Variants in LRP1B observed in about 807,000 individuals in gnomAD.
LRP1B encodes LDL receptor related protein 1B, also known as low-density lipoprotein receptor-related protein 1B.
A neutral mutation model predicts 556.6 loss-of-function variants in LRP1B; 217 were observed. The ratio of observed to expected loss-of-function variants is 0.39; its 90% CI spans 0.35 to 0.44. LRP1B has a LOEUF of 0.44. Ranked by LOEUF, LRP1B falls within the 20% of genes least tolerant of loss-of-function variation. The pLI is 1.00. For missense variants in LRP1B, 5,053 were observed against 5,620.8 expected (o/e 0.90, Z 3.23); for synonymous variants, 2,047 against 1,865.8 (o/e 1.10, Z -2.50).
chr2:140,839,428 C>T (rs554707414), intron 31 of LRP1B, among the ~76,000 whole-genome samples: 1 of 152,252 alleles, frequency 6.6e-6, no homozygotes, highest in Non-Finnish European at 1.5e-5. Context: ...GAAGCAGACC[C>T]ACCCTCAATC....
chr2:142,027,147 T>C (rs1703534603), intron 1 of LRP1B, among the ~76,000 whole-genome samples: 1 of 152,008 alleles, frequency 6.6e-6, no homozygotes, highest in African/African-American at 2.4e-5. Flanking sequence ...TCTGGCCATG[T>C]GAATACTGCT....
At chr2:141,470,838 A>G (rs566499945) in intron 3 of LRP1B, among the ~76,000 whole-genome samples, 2 of 152,322 alleles carry the variant, frequency 1.3e-5, no homozygotes, top group South Asian at 4.1e-4. Flanking sequence ...ATATTTTTCA[A>G]AGTTAAAGGA....
chr2:141,010,558 A>C (rs6722818), intron 14 of LRP1B, among the ~76,000 whole-genome samples: 55,219 of 151,534 alleles, frequency 0.36, 10,325 homozygotes, highest in East Asian at 0.59. Flanking sequence ...TCTGTAACTC[A>C]GGCTGGAGTG....
At chr2:141,071,608 T>C (rs1188245026) in intron 7 of LRP1B, among the ~76,000 whole-genome samples, 2 of 152,142 alleles carry the variant, frequency 1.3e-5, no homozygotes, top group Non-Finnish European at 2.9e-5. Context: ...GAAAACCCCA[T>C]TGTTTCAGCC....
intron 35 of LRP1B, among the ~76,000 whole-genome samples, chr2:140,718,020 T>C (rs1182354310): frequency 1.3e-5 from 2 of 152,098 alleles, no homozygotes; most frequent in African/African-American, 4.8e-5. Flanking sequence ...TTCATTATTG[T>C]ACCAGGGAAT....
intron 2 of LRP1B, among the ~76,000 whole-genome samples, chr2:141,590,879 G>A (rs1036135979): frequency 6.6e-6 from 1 of 152,116 alleles, no homozygotes; most frequent in Non-Finnish European, 1.5e-5. Context: ...CGTTACAGAA[G>A]TCCTTTCCGT....
Position 140,516,831 on chromosome 2 carries a change from T to A in LRP1B, c.8149+58A>T, listed in dbSNP as rs891171119. 7 of 1,517,968 alleles carry A rather than the reference T, an allele frequency of 4.6e-6. No homozygotes were observed. In the African/African-American group the frequency reaches 9.6e-5, roughly 21 times the overall value. The allele number at this position is 1,517,968 out of a possible 1,614,324, so 94.0% of individuals were successfully genotyped here. A position where few individuals can be genotyped will look rare whatever the true frequency, so the allele number is the denominator to read the frequency against. On this transcript the variant is annotated intron_variant, in intron 50 of 90. Transcript: ENST00000389484. ...TGTATAAAATCCCTACATAAGAGAA[T>A]ACTAACATATAAGTAATAGTAAGGT... is the stretch of plus-strand genomic sequence containing the variant.
At chr2:141,699,257 T>G (rs1185561795) in intron 2 of LRP1B, among the ~76,000 whole-genome samples, 1 of 151,852 alleles carries the variant, frequency 6.6e-6, no homozygotes, top group Admixed American at 6.6e-5. Context: ...CCCAGTAGTG[T>G]TTTAAGTTCC....
At chr2:141,184,388 AC>A (rs1302206291) in intron 7 of LRP1B, among the ~76,000 whole-genome samples, 2 of 151,824 alleles carry the variant, frequency 1.3e-5, no homozygotes, top group African/African-American at 4.8e-5. Context: ...AAATCATCTG[AC>A]CTTTCTCTGA....
chr2:140,458,119 C>T (rs1687177388), intron 60 of LRP1B, among the ~76,000 whole-genome samples: 1 of 151,824 alleles, frequency 6.6e-6, no homozygotes, highest in Non-Finnish European at 1.5e-5. Flanking sequence ...AATTATAGAT[C>T]CTGGAAGAAA....
chr2:142,116,388 C>T (rs115545599), intron 1 of LRP1B, among the ~76,000 whole-genome samples: 53 of 151,960 alleles, frequency 3.5e-4, no homozygotes, highest in African/African-American at 1.2e-3. Flanking sequence ...AATTGTAGGA[C>T]AGTTACTAAA....
intron 1 of LRP1B, among the ~76,000 whole-genome samples, chr2:141,829,083 G>A (rs1697026812): frequency 6.6e-6 from 1 of 151,436 alleles, no homozygotes; most frequent in Admixed American, 6.6e-5. Flanking sequence ...GCGAGAGTAA[G>A]ACATCGTTAT....
chr2:141,899,733 G>A (rs763137519), intron 1 of LRP1B, among the ~76,000 whole-genome samples: 1 of 152,040 alleles, frequency 6.6e-6, no homozygotes, highest in Non-Finnish European at 1.5e-5. Context: ...GAAACAGAAG[G>A]GAAGAGCTCC....
At chr2:140,876,472 A>G (rs1187036054) in intron 25 of LRP1B, among the ~76,000 whole-genome samples, 1 of 152,162 alleles carries the variant, frequency 6.6e-6, no homozygotes, top group Non-Finnish European at 1.5e-5. Flanking sequence ...TTATTTTATC[A>G]AGGCTTTGAC....
chr2:140,422,448 A>C (rs979056257), intron 66 of LRP1B, among the ~76,000 whole-genome samples: 10 of 152,214 alleles, frequency 6.6e-5, no homozygotes, highest in South Asian at 2.1e-4. Flanking sequence ...AATATGCTGC[A>C]TTATTTTCCA....
At chr2:140,944,337 C>A (rs922427729) in intron 20 of LRP1B, among the ~76,000 whole-genome samples, 1 of 152,002 alleles carries the variant, frequency 6.6e-6, no homozygotes, top group African/African-American at 2.4e-5. Context: ...TCCACCTGAC[C>A]TACAAAGAAG....
chr2:141,034,263 T>G (rs1698463696), intron 11 of LRP1B, among the ~76,000 whole-genome samples: 2 of 152,200 alleles, frequency 1.3e-5, no homozygotes, highest in African/African-American at 4.8e-5. Flanking sequence ...GGTATATTTT[T>G]CAGTTTCCCA....
At chr2:141,440,015 G>A (rs958443303) in intron 3 of LRP1B, among the ~76,000 whole-genome samples, 10 of 152,094 alleles carry the variant, frequency 6.6e-5, no homozygotes, top group Admixed American at 2.6e-4. Context: ...TGCTAGGCAC[G>A]CACTATTTTG....
At chr2:141,196,676 C>T (rs1455047625) in intron 6 of LRP1B, among the ~76,000 whole-genome samples, 18 of 152,078 alleles carry the variant, frequency 1.2e-4, no homozygotes, top group Admixed American at 7.2e-4. Context: ...AAAAGAACTA[C>T]AAAACTCCTC....
Sources: allele counts gnomAD v4.1 joint callset (sites outside exome capture counted in the v4.1 genomes callset), GRCh38; gene constraint gnomAD v4.1.1; transcripts MANE v1.5; gene names NCBI Gene and HGNC (gene_info 2026-07-23, HGNC 2026-07-21).